Variants in SLC29A4 observed in about 807,000 individuals in gnomAD.
SLC29A4 encodes solute carrier family 29 member 4, also known as equilibrative nucleoside transporter 4.
A neutral mutation model predicts 43.9 loss-of-function variants in SLC29A4; 36 were observed. That is an observed-to-expected ratio of 0.82 (90% CI 0.63 to 1.08). SLC29A4 has a LOEUF of 1.08. SLC29A4 is among the 50% of genes least tolerant of loss of function. The pLI is 0.00. For missense variants in SLC29A4, 869 were observed against 755.3 expected (o/e 1.15, Z -1.77); for synonymous variants, 491 against 338.0 (o/e 1.45, Z -4.97).
intron 1 of SLC29A4, among the ~76,000 whole-genome samples, chr7:5,285,101 G>A (rs528798033): frequency 3.3e-5 from 5 of 152,282 alleles, no homozygotes; most frequent in African/African-American, 9.6e-5. Flanking sequence ...GAAGGGCCCC[G>A]GGGTCTCTAA....
At chr7:5,289,404 A>G (rs189716993) in intron 2 of SLC29A4, among the ~76,000 whole-genome samples, 257 of 152,180 alleles carry the variant, frequency 1.7e-3, no homozygotes, top group Non-Finnish European at 2.7e-3. Flanking sequence ...AAAAAGAAAG[A>G]AAAAAGCAAT....
intron 2 of SLC29A4, among the ~76,000 whole-genome samples, chr7:5,289,883 T>C (rs1785195435): frequency 6.6e-6 from 1 of 152,018 alleles, no homozygotes; most frequent in Non-Finnish European, 1.5e-5. Flanking sequence ...CCATATCCTA[T>C]AATTTTATTT....
At chr7:5,284,019 T>G (rs1784809630) in intron 1 of SLC29A4, among the ~76,000 whole-genome samples, 1 of 144,310 alleles carries the variant, frequency 6.9e-6, no homozygotes, top group Admixed American at 6.9e-5. Context: ...CAGGCTCCAG[T>G]CTGAGCTGCA....
At chr7:5,294,826 T>G (rs1785537125) in intron 5 of SLC29A4, 34 bp from the exon 6 acceptor site, 1 of 1,581,772 alleles carries the variant, frequency 6.3e-7, no homozygotes, top group African/African-American at 1.6e-5. Context: ...GTGATAATGG[T>G]GCCTCTGGGT....
At chr7:5,287,403 G>C (rs1191923692) in intron 1 of SLC29A4, among the ~76,000 whole-genome samples, 2 of 149,690 alleles carry the variant, frequency 1.3e-5, no homozygotes, top group Non-Finnish European at 3.0e-5. Context: ...GGGTGACAGA[G>C]TGAGACCCTG....
At position 5,297,895 on chromosome 7, in the gene SLC29A4, C is replaced by T. The variant is rs548187879; in HGVS notation, c.882+697C>T. Among the ~76,000 whole-genome samples the T allele has an allele frequency of 3.3e-5, 5 of 152,248 alleles. 1 individual carries two copies. The highest frequency in any genetic ancestry group is 7.2e-5 in the African/African-American group (3 of 41,552). The stretch of plus-strand genomic sequence containing the variant: ...CCTACGGGGTCCCCAGCACAGACAG[C>T]CCCTGCCAGGAGGTGCCCTATCCCA... On this transcript the variant is annotated intron_variant, in intron 7 of 10. Transcript: ENST00000396872.
chr7:5,290,220 A>AT (rs1351030677), intron 2 of SLC29A4, among the ~76,000 whole-genome samples: 1 of 151,996 alleles, frequency 6.6e-6, no homozygotes, highest in Non-Finnish European at 1.5e-5. Flanking sequence ...TGCCTGGCTA[A>AT]TTTTTTGGGT....
intron 1 of SLC29A4, among the ~76,000 whole-genome samples, chr7:5,285,816 A>G (rs1160702118): frequency 1.3e-5 from 2 of 152,116 alleles, no homozygotes; most frequent in Non-Finnish European, 2.9e-5. Flanking sequence ...GTTCAAGACC[A>G]CTATGGGCAA....
In SLC29A4 at chr7:5,300,530, A is replaced by G. The variant is rs368483783; in HGVS notation, c.1318A>G (p.Met440Val). Residue 440 changes from methionine to valine, a missense_variant, in exon 10 of 11, where the codon ATG (methionine) becomes GTG (valine). Physicochemically the swap from Met to Val is conservative, Grantham distance 21. Transcript: ENST00000396872. ...CATCCTGTGCGTCTACCCCAGCGGC[A>G]TGCCCGCCCTCCGTCACCCCGCCTG... ...LFILCVYPSG[M>V]PALRHPAWPC... 2 of 1,612,094 alleles carry G rather than the reference A, an allele frequency of 1.2e-6. No homozygotes were observed. The highest frequency in any genetic ancestry group is 2.7e-5 in the African/African-American group (2 of 74,864).
chr7:5,283,379 A>AC (rs941568559), intron 1 of SLC29A4, among the ~76,000 whole-genome samples: 26 of 148,968 alleles, frequency 1.7e-4, no homozygotes, highest in African/African-American at 2.7e-4. Flanking sequence ...TCCTCCCCGG[A>AC]CCCCCCCGCG....
chr7:5,300,810 A>T (rs2128092613), intron 10 of SLC29A4, 148 bp downstream of exon 10: 1 of 1,123,814 alleles, frequency 8.9e-7, no homozygotes, highest in Non-Finnish European at 1.2e-6. Flanking sequence ...AGGTGTGGGG[A>T]CATTCTCAGC....
At chr7:5,299,667 C>A (rs1251623902) in intron 9 of SLC29A4, among the ~76,000 whole-genome samples, 1 of 152,170 alleles carries the variant, frequency 6.6e-6, no homozygotes, top group Non-Finnish European at 1.5e-5. Context: ...TGGCCCTCAC[C>A]CTCTCGCCTC....
rs759152269 is a variant in SLC29A4 at position 5,287,869 on chromosome 7, C to T, written c.53C>T (p.Pro18Leu). ...RLEEPSVAGT[P>L]DPGVVMSFTF... ...GAGGAGCCCAGCGTGGCAGGCACAC[C>T]AGACCCGGGCGTAGTGATGAGCTTC... Residue 18 changes from proline to leucine, a missense_variant, in exon 2 of 11, where the codon CCA becomes CTA. Coordinates refer to ENST00000396872, the MANE Select transcript of SLC29A4 (RefSeq NM_153247.4). The T allele has an allele frequency of 6.8e-6, 11 of 1,611,856 alleles. No homozygotes were observed. In the South Asian group the frequency reaches 7.7e-5, roughly 11 times the overall value.
chr7:5,296,809 G>T, intron 6 of SLC29A4, 127 bp from the exon 7 acceptor site: 1 of 1,105,640 alleles, frequency 9.0e-7, no homozygotes, highest in Non-Finnish European at 1.2e-6. Flanking sequence ...CTGTGGGTGG[G>T]GGCAGGGCCT....
Position 5,295,086 on chromosome 7 carries a change from T to C in SLC29A4, c.619+152T>C, listed in dbSNP as rs947861578. The C allele has an allele frequency of 4.6e-5, 32 of 697,906 alleles. No individual in the cohort carries two copies. The African/African-American group carries it at 5.5e-4, about 12-fold the overall frequency. The allele number at this position is 697,906 out of a possible 1,614,324, so 43.2% of individuals were successfully genotyped here. A position where few individuals can be genotyped will look rare whatever the true frequency, so the allele number is the denominator to read the frequency against. ...AGCTAGGGACAGTGATCACCATCTTTCCTGGCCTGGCTGGGGGTAGAAAAG... is the reference window on the plus strand; with the variant it reads ...AGCTAGGGACAGTGATCACCATCTTCCCTGGCCTGGCTGGGGGTAGAAAAG... On this transcript the variant is annotated intron_variant, in intron 6 of 10. Transcript: ENST00000396872.
chr7:5,286,932 G>T (rs1298692362), intron 1 of SLC29A4, among the ~76,000 whole-genome samples: 1 of 152,232 alleles, frequency 6.6e-6, no homozygotes, highest in African/African-American at 2.4e-5. Flanking sequence ...CATGTCACCT[G>T]TTACTTCCAA....
At chr7:5,294,730 C>G (rs186881489) in intron 5 of SLC29A4, 130 bp from the exon 6 acceptor site, 3 of 894,244 alleles carry the variant, frequency 3.4e-6, no homozygotes, top group Non-Finnish European at 5.6e-6. Context: ...CGTGTCAAAT[C>G]TCTCTGCCAT....
intron 1 of SLC29A4, among the ~76,000 whole-genome samples, chr7:5,284,701 G>C (rs1401789743): frequency 6.6e-6 from 1 of 152,212 alleles, no homozygotes; most frequent in African/African-American, 2.4e-5. Context: ...GGAAAGGTGG[G>C]GGAGAGCGGC....
chr7:5,301,403 G>A (rs940097367), intron 10 of SLC29A4, among the ~76,000 whole-genome samples: 1 of 152,208 alleles, frequency 6.6e-6, no homozygotes, highest in Non-Finnish European at 1.5e-5. Context: ...AGCAATCTGG[G>A]AAGACCTCAC....
Sources: gnomAD v4.1 joint callset for allele counts (sites outside exome capture counted in the v4.1 genomes callset) on GRCh38, gnomAD v4.1.1 for gene constraint, MANE v1.5 for transcripts, NCBI Gene and HGNC (gene_info 2026-07-23, HGNC 2026-07-21) for gene names.